GRID1: variants seen among roughly 807,000 people sequenced by gnomAD.
GRID1 encodes glutamate ionotropic receptor delta type subunit 1, also known as glutamate receptor ionotropic, delta-1.
GRID1 carries 28 observed loss-of-function variants against 98.0 expected under a neutral mutation model. The ratio of observed to expected loss-of-function variants is 0.29; its 90% CI spans 0.21 to 0.39. GRID1 has a LOEUF of 0.39. Ranked by LOEUF, GRID1 falls within the 10% of genes least tolerant of loss-of-function variation. GRID1 has a pLI of 1.00. For missense variants in GRID1, 1,111 were observed against 1,340.5 expected, an observed-to-expected ratio of 0.83 and a Z score of 2.67; for synonymous variants, 553 against 538.5, an observed-to-expected ratio of 1.03 and a Z score of -0.37.
intron 3 of GRID1, among the ~76,000 whole-genome samples, chr10:86,166,072 C>T (rs1010341337): frequency 6.6e-6 from 1 of 152,158 alleles, no homozygotes; most frequent in Non-Finnish European, 1.5e-5. Context: ...CCATCACGTG[C>T]GTTCTGTTGT....
chr10:85,647,361 A>G lies in GRID1; in HGVS notation c.2034T>C (p.Ser678=). 1 of 1,614,238 alleles carries G rather than the reference A, an allele frequency of 6.2e-7. No homozygotes were observed. The highest frequency in any genetic ancestry group is 1.1e-5 in the South Asian group (1 of 91,088). Residue 678 remains serine, a synonymous_variant, in exon 13 of 16, where the codon TCT becomes TCC. Transcript: ENST00000327946. The stretch of plus-strand genomic sequence containing the variant: ...CAGCAGAATCCCGGACAGTGCCATA[A>G]GACATTTCCACTTGTTTGGACAGGT... ...FQDLSKQVEM[S]YGTVRDSAVY...
intron 4 of GRID1, among the ~76,000 whole-genome samples, chr10:86,132,389 T>G (rs1178271787): frequency 2.0e-5 from 3 of 152,232 alleles, no homozygotes; most frequent in Non-Finnish European, 2.9e-5. Flanking sequence ...AAACATTTCT[T>G]TCTTGTGACC....
chr10:85,895,026 T>C (rs1471778212), intron 5 of GRID1, among the ~76,000 whole-genome samples: 2 of 144,278 alleles, frequency 1.4e-5, no homozygotes, highest in Non-Finnish European at 3.0e-5. Context: ...AATATATATA[T>C]ATATATATAT....
chr10:86,253,094 G>A (rs1846862628), intron 2 of GRID1, among the ~76,000 whole-genome samples: 1 of 152,286 alleles, frequency 6.6e-6, no homozygotes, highest in African/African-American at 2.4e-5. Flanking sequence ...GCTCTCTGAG[G>A]TTACAATGAA....
intron 12 of GRID1, among the ~76,000 whole-genome samples, chr10:85,688,868 G>A (rs916644068): frequency 6.6e-6 from 1 of 152,112 alleles, no homozygotes; most frequent in African/African-American, 2.4e-5. Flanking sequence ...CTTCGGAGTG[G>A]GTGACACTGC....
rs10887520 is a variant in GRID1 at position 85,710,619 on chromosome 10, A to C, written c.1997+12384T>G. 4.6e-5 allele frequency among the ~76,000 whole-genome samples: 7 copies of C among 151,960 alleles called. No individual in the cohort carries two copies. In the East Asian group the frequency reaches 9.7e-4, roughly 21 times the overall value. The stretch of plus-strand genomic sequence containing the variant: ...AGACAAAGGGATAATCTGGACTTCA[A>C]CAAAATTAAAAACTTTTCTGCATCA... On this transcript the variant is annotated intron_variant, in intron 12 of 15. Coordinates refer to ENST00000327946, the MANE Select transcript of GRID1 (RefSeq NM_017551.3).
chr10:86,275,938 A>G (rs1246708370), intron 2 of GRID1, among the ~76,000 whole-genome samples: 2 of 152,238 alleles, frequency 1.3e-5, no homozygotes, highest in Non-Finnish European at 2.9e-5. Context: ...AGTGAACTCC[A>G]AGTAAGATAA....
At chr10:86,131,851 G>T (rs927079685) in intron 4 of GRID1, among the ~76,000 whole-genome samples, 5 of 152,172 alleles carry the variant, frequency 3.3e-5, no homozygotes, top group Non-Finnish European at 7.3e-5. Context: ...TTTGTGTGGG[G>T]ACAGAAGTCG....
At chr10:86,169,229 C>T (rs979756791) in intron 3 of GRID1, among the ~76,000 whole-genome samples, 2 of 152,190 alleles carry the variant, frequency 1.3e-5, no homozygotes, top group African/African-American at 2.4e-5. Flanking sequence ...AGGTGCCTTC[C>T]GGCAATGACC....
chr10:86,118,245 C>G (rs1211906962), intron 4 of GRID1, among the ~76,000 whole-genome samples: 2 of 152,102 alleles, frequency 1.3e-5, no homozygotes. Flanking sequence ...AAAAATCAAA[C>G]ATCGTTATGT....
At chr10:85,819,846 G>A (rs1178729127) in intron 8 of GRID1, among the ~76,000 whole-genome samples, 1 of 151,900 alleles carries the variant, frequency 6.6e-6, no homozygotes, top group East Asian at 1.9e-4. Flanking sequence ...CCCAGGAGGT[G>A]AAGGTTGCAG....
At chr10:85,826,096 G>C (rs2131756577) in intron 8 of GRID1, among the ~76,000 whole-genome samples, 1 of 152,268 alleles carries the variant, frequency 6.6e-6, no homozygotes, top group East Asian at 1.9e-4. Context: ...GGAGGCTGAG[G>C]CGGGTGGATC....
At chr10:86,183,715 G>C (rs1459797530) in intron 3 of GRID1, among the ~76,000 whole-genome samples, 1 of 152,326 alleles carries the variant, frequency 6.6e-6, no homozygotes, top group Non-Finnish European at 1.5e-5. Flanking sequence ...TTCAGTTTGG[G>C]GCTATTATGA....
intron 3 of GRID1, among the ~76,000 whole-genome samples, chr10:86,174,416 T>C (rs911965791): frequency 2.0e-5 from 3 of 151,796 alleles, no homozygotes; most frequent in Admixed American, 6.6e-5. Context: ...TAATAAATGG[T>C]GCTGGGAAAA....
Position 85,646,935 on chromosome 10 carries a change from T to G in GRID1, c.2193+267A>C, listed in dbSNP as rs550404736. ...CAGGCCTCTCTGTGTCACCCTCCTA[T>G]GAGCCCATGAGGAGGGTGGGCCAAA... On this transcript the variant is annotated intron_variant, in intron 13 of 15. Coordinates refer to ENST00000327946, the MANE Select transcript of GRID1 (RefSeq NM_017551.3). 4 of 499,318 alleles carry G rather than the reference T, an allele frequency of 8.0e-6. No homozygotes were observed. The Admixed American group carries it at 1.3e-4, about 16-fold the overall frequency. 30.9% of individuals were successfully genotyped at this position (499,318 alleles called of 1,614,324 possible). A position where few individuals can be genotyped will look rare whatever the true frequency, so the allele number is the denominator to read the frequency against.
At chr10:86,146,978 A>C (rs1174182936) in intron 3 of GRID1, among the ~76,000 whole-genome samples, 1 of 152,254 alleles carries the variant, frequency 6.6e-6, no homozygotes, top group Admixed American at 6.5e-5. Flanking sequence ...CACATCCAGC[A>C]GCTGTTGGTA....
intron 2 of GRID1, among the ~76,000 whole-genome samples, chr10:86,274,416 A>G (rs557347932): frequency 1.3e-5 from 2 of 152,202 alleles, no homozygotes; most frequent in Non-Finnish European, 2.9e-5. Context: ...TTCCATATGA[A>G]CTTTAAACTA....
At chr10:85,717,207 C>T (rs534417351) in intron 12 of GRID1, among the ~76,000 whole-genome samples, 6 of 151,842 alleles carry the variant, frequency 4.0e-5, no homozygotes, top group South Asian at 2.1e-4. Context: ...CACATGCAAA[C>T]GGTATATTCA....
chr10:86,043,670 C>T (rs554920687), intron 4 of GRID1, among the ~76,000 whole-genome samples: 28 of 152,306 alleles, frequency 1.8e-4, no homozygotes, highest in Non-Finnish European at 2.8e-4. Flanking sequence ...TCAATAAAAC[C>T]GCTCCGGAAC....
Sources: gnomAD v4.1 joint callset for allele counts (sites outside exome capture counted in the v4.1 genomes callset) on GRCh38, gnomAD v4.1.1 for gene constraint, MANE v1.5 for transcripts, NCBI Gene and HGNC (gene_info 2026-07-23, HGNC 2026-07-21) for gene names.